Variants in NPIPB2 observed in about 807,000 individuals in gnomAD.
NPIPB2 encodes nuclear pore complex-interacting protein family member B2.
NPIPB2 carries 27 observed loss-of-function variants against 30.8 expected under a neutral mutation model. The observed-to-expected ratio is 0.88, with a 90% CI of 0.65 to 1.21. The LOEUF (loss-of-function observed/expected upper bound fraction) is 1.21. Ranked by LOEUF, NPIPB2 falls within the 50% of genes most tolerant of loss-of-function variation. The probability of loss-of-function intolerance (pLI) is 0.00; values close to 1 mark genes in which losing one functional copy is unlikely to be tolerated. For missense variants in NPIPB2, 440 were observed against 446.2 expected, an observed-to-expected ratio of 0.99 and a Z score of 0.13; for synonymous variants, 147 against 162.0, an observed-to-expected ratio of 0.91 and a Z score of 0.70.
At chr16:11,972,328 C>A (rs1227939658) in intron 1 of NPIPB2, among the ~76,000 whole-genome samples, 2 of 152,212 alleles carry the variant, frequency 1.3e-5, no homozygotes, top group Non-Finnish European at 2.9e-5. Flanking sequence ...GTAATTCCAG[C>A]ACTATGGGAG....
At chr16:11,941,749 T>G in intron 1 of NPIPB2, 1 of 877,372 alleles carries the variant, frequency 1.1e-6, no homozygotes, top group Non-Finnish European at 1.8e-6. Flanking sequence ...ACATGCCAAG[T>G]AGCGCCCGCA....
chr16:11,967,242 TCTGCC>T, intron 1 of NPIPB2: 1 of 256,638 alleles, frequency 3.9e-6, no homozygotes. Flanking sequence ...CCACAAGTGA[TCTGCC>T]CGCCTCAGCT....
intron 1 of NPIPB2, chr16:11,967,470 C>A: frequency 1.6e-6 from 2 of 1,266,088 alleles, no homozygotes; most frequent in Non-Finnish European, 1.1e-6. Context: ...ATGAAAAAAT[C>A]TCTCTCACAT....
intron 1 of NPIPB2, among the ~76,000 whole-genome samples, chr16:11,975,141 CTTTTTTTTT>C (rs1195309022): frequency 5.3e-5 from 2 of 37,508 alleles, no homozygotes; most frequent in Non-Finnish European, 8.6e-5. Context: ...AATCCATCAC[CTTTTTTTTT>C]TTTTTTTTTT....
chr16:11,936,297 C>T (rs117129788), intron 2 of NPIPB2, among the ~76,000 whole-genome samples: 3,329 of 151,682 alleles, frequency 0.022, 63 homozygotes, highest in African/African-American at 0.048. Context: ...GAGGGAGACT[C>T]GTCTTGAGGG....
intron 1 of NPIPB2, among the ~76,000 whole-genome samples, chr16:11,970,303 C>T (rs769423437): frequency 1.2e-4 from 19 of 152,178 alleles, no homozygotes; most frequent in Non-Finnish European, 2.5e-4. Context: ...ACCTCTGCTT[C>T]CTGGGTTCAA....
chr16:11,976,059 T>C (rs1422632702), intron 1 of NPIPB2, among the ~76,000 whole-genome samples: 3 of 152,014 alleles, frequency 2.0e-5, no homozygotes, highest in Non-Finnish European at 4.4e-5. Context: ...GGGACCTTCC[T>C]AGAATTAGGC....
chr16:11,972,296 C>A (rs1041182587), intron 1 of NPIPB2, among the ~76,000 whole-genome samples: 2 of 152,216 alleles, frequency 1.3e-5, no homozygotes, highest in Non-Finnish European at 2.9e-5. Flanking sequence ...CTGTTCTGGG[C>A]TGGATGCCGC....
chr16:11,976,395 C>A (rs2055297525), intron 1 of NPIPB2, among the ~76,000 whole-genome samples: 2 of 152,240 alleles, frequency 1.3e-5, no homozygotes, highest in Admixed American at 1.3e-4. Context: ...TCCGGGATTG[C>A]CCATCCGCCT....
chr16:11,967,438 A>G (rs1283413186), intron 1 of NPIPB2: 2 of 906,032 alleles, frequency 2.2e-6, no homozygotes, highest in African/African-American at 3.3e-5. Flanking sequence ...TGGGCAACAC[A>G]GTAAGACCCC....
chr16:11,956,801 T>G (rs2055116366), intron 1 of NPIPB2, among the ~76,000 whole-genome samples: 1 of 152,218 alleles, frequency 6.6e-6, no homozygotes, highest in African/African-American at 2.4e-5. Flanking sequence ...AAACCTCTTT[T>G]GCTCTTGGCA....
intron 1 of NPIPB2, among the ~76,000 whole-genome samples, chr16:11,966,547 G>T (rs2055195700): frequency 6.6e-6 from 1 of 152,200 alleles, no homozygotes; most frequent in African/African-American, 2.4e-5. Context: ...TACAATGTCA[G>T]TCTTCTCCAG....
At chr16:11,975,986 G>C (rs1229564781) in intron 1 of NPIPB2, among the ~76,000 whole-genome samples, 1 of 151,786 alleles carries the variant, frequency 6.6e-6, no homozygotes, top group Admixed American at 6.6e-5. Flanking sequence ...TCGCTACGTT[G>C]CCCAGGCTGC....
chr16:11,948,400 G>C (rs1338991988), intron 1 of NPIPB2, among the ~76,000 whole-genome samples: 1 of 152,142 alleles, frequency 6.6e-6, no homozygotes, highest in Non-Finnish European at 1.5e-5. Context: ...TTGGCAAAAA[G>C]ACTGAACATA....
intron 1 of NPIPB2, chr16:11,968,151 AG>A (rs2055211356): frequency 3.3e-6 from 1 of 300,020 alleles, no homozygotes; most frequent in Admixed American, 5.0e-5. Flanking sequence ...GAAAGGTGGG[AG>A]GGGGAAAGAA....
At chr16:11,959,966 G>C (rs547207668) in intron 1 of NPIPB2, among the ~76,000 whole-genome samples, 103 of 152,204 alleles carry the variant, frequency 6.8e-4, no homozygotes, top group Non-Finnish European at 1.3e-3. Context: ...TGTAGAGATA[G>C]GGTTTCCCTG....
intron 1 of NPIPB2, among the ~76,000 whole-genome samples, chr16:11,940,719 C>A (rs1325969561): frequency 7.3e-6 from 1 of 137,384 alleles, no homozygotes; most frequent in Non-Finnish European, 1.6e-5. Context: ...GAGATCTTGC[C>A]ACTGCACTCC....
At chr16:11,944,733 C>CAAAAAAA (rs56283093), upstream of NPIPB2, among the ~76,000 whole-genome samples, 2 of 46,126 alleles carry the variant, frequency 4.3e-5, no homozygotes, top group Non-Finnish European at 6.7e-5. Flanking sequence ...GACTCCGTGT[C>CAAAAAAA]AAAAAAAAAA....
At chr16:11,941,297 T>C in intron 1 of NPIPB2, 7 of 1,300,740 alleles carry the variant, frequency 5.4e-6, no homozygotes, top group Non-Finnish European at 6.1e-6. Context: ...TGGAGGTGGC[T>C]TAGGGCAGGG....
Sources: gnomAD v4.1 joint callset for allele counts (sites outside exome capture counted in the v4.1 genomes callset) on GRCh38, gnomAD v4.1.1 for gene constraint, MANE v1.5 for transcripts, NCBI Gene and HGNC (gene_info 2026-07-23, HGNC 2026-07-21) for gene names.